WWOX: variants seen among roughly 807,000 people sequenced by gnomAD.
WWOX encodes WW domain-containing oxidoreductase.
In WWOX, 69 loss-of-function variants were observed where a neutral mutation model predicts 46.2. The ratio of observed to expected loss-of-function variants is 1.49; its 90% CI spans 1.23 to 1.82. WWOX has a LOEUF of 1.82. Ranked by LOEUF, WWOX falls within the 40% of genes most tolerant of loss-of-function variation. The pLI, the probability that WWOX is intolerant of heterozygous loss-of-function variation, is 0.00. For synonymous variants in WWOX, 359 were observed against 202.6 expected, an observed-to-expected ratio of 1.77 and a Z score of -6.56; for missense variants, 919 against 542.6, an observed-to-expected ratio of 1.69 and a Z score of -6.89.
At chr16:78,575,488 G>C (rs1002734827) in intron 8 of WWOX, among the ~76,000 whole-genome samples, 4 of 151,950 alleles carry the variant, frequency 2.6e-5, no homozygotes, top group Non-Finnish European at 5.9e-5. Context: ...TCTGCATGGA[G>C]GACAAGAAGG....
chr16:79,061,144 G>A (rs1263805540), intron 8 of WWOX, among the ~76,000 whole-genome samples: 2 of 152,158 alleles, frequency 1.3e-5, no homozygotes, highest in East Asian at 3.9e-4. Context: ...AATCCTTTAT[G>A]TTGAGGGAGA....
At chr16:79,203,320 T>C (rs1274291146) in intron 8 of WWOX, 4 of 152,200 alleles carry the variant, frequency 2.6e-5, no homozygotes, top group Admixed American at 6.5e-5. Flanking sequence ...GTGAGCTCTG[T>C]ATGGAAATCC....
chr16:79,093,925 A>T lies in WWOX; in HGVS notation c.1057-117683A>T, dbSNP rs72795691. 2.8e-4 allele frequency among the ~76,000 whole-genome samples: 43 copies of T among 152,260 alleles called. No homozygotes were observed. In the East Asian group the frequency reaches 4.7e-3, roughly 16 times the overall value. On this transcript the variant is annotated intron_variant, in intron 8 of 8. Coordinates refer to ENST00000566780, the MANE Select transcript of WWOX (RefSeq NM_016373.4). ...CTCGCTCTCTCCTTCCAAGAGAGAA[A>T]GGGGAGGAAGCCCAGAGCCTTCTAT...
intron 8 of WWOX, among the ~76,000 whole-genome samples, chr16:78,603,613 G>C (rs543591368): frequency 3.2e-4 from 48 of 152,260 alleles, no homozygotes; most frequent in Non-Finnish European, 6.6e-4. Flanking sequence ...AGAATCGCTT[G>C]AACCCAGGAG....
chr16:78,811,178 GT>G (rs2051178835), intron 8 of WWOX, among the ~76,000 whole-genome samples: 1 of 152,152 alleles, frequency 6.6e-6, no homozygotes, highest in Non-Finnish European at 1.5e-5. Context: ...AACAATCAGT[GT>G]TTTGTGACAT....
rs1466203353 is a variant in WWOX at position 78,431,525 on chromosome 16, G to A, written c.792-963G>A. Among the ~76,000 whole-genome samples the A allele has an allele frequency of 2.0e-5, 3 of 152,082 alleles. No individual in the cohort carries two copies. In the South Asian group the frequency reaches 6.2e-4, roughly 32 times the overall value. The stretch of plus-strand genomic sequence containing the variant: ...TGATATCTTTCTGTTTCCAAAAGCA[G>A]CAGCCCTTTATTCAAGACACTTTTC... On this transcript the variant is annotated intron_variant, in intron 7 of 8. Coordinates refer to ENST00000566780, the MANE Select transcript of WWOX (RefSeq NM_016373.4).
intron 8 of WWOX, among the ~76,000 whole-genome samples, chr16:78,981,239 C>G (rs1271383069): frequency 6.6e-6 from 1 of 152,116 alleles, no homozygotes; most frequent in East Asian, 1.9e-4. Context: ...CATCTCCCAA[C>G]TCTGCCCTCT....
At chr16:78,740,703 C>G (rs187750889) in intron 8 of WWOX, among the ~76,000 whole-genome samples, 1 of 152,080 alleles carries the variant, frequency 6.6e-6, no homozygotes, top group African/African-American at 2.4e-5. Context: ...GATTGAAGCG[C>G]TAGTAATTGG....
rs561730983 is a variant in WWOX at position 78,462,761 on chromosome 16, C to T, written c.1056+30009C>T. On this transcript the variant is annotated intron_variant, in intron 8 of 8. Coordinates refer to ENST00000566780, the MANE Select transcript of WWOX (RefSeq NM_016373.4). ...TAGTTACTGTCAGTTGTTGTAAACT[C>T]GTCCTGCCGCCTGGACTAGTTACGC... Among the ~76,000 whole-genome samples, 13 of 152,302 alleles carry T rather than the reference C, an allele frequency of 8.5e-5. No homozygotes were observed. The East Asian group carries it at 2.5e-3, about 29-fold the overall frequency.
chr16:79,069,084 C>T (rs2048499133), intron 8 of WWOX, among the ~76,000 whole-genome samples: 2 of 152,096 alleles, frequency 1.3e-5, no homozygotes, highest in Admixed American at 1.3e-4. Flanking sequence ...AGATGAACTA[C>T]CTGGAAAGAA....
chr16:78,621,211 G>A (rs961607493), intron 8 of WWOX, among the ~76,000 whole-genome samples: 11 of 152,146 alleles, frequency 7.2e-5, no homozygotes, highest in African/African-American at 2.7e-4. Context: ...AAAGTTAATG[G>A]CCAGAATAAG....
At chr16:79,201,315 T>C (rs1438208935) in intron 8 of WWOX, among the ~76,000 whole-genome samples, 1 of 151,554 alleles carries the variant, frequency 6.6e-6, no homozygotes, top group Admixed American at 6.6e-5. Flanking sequence ...CTTCCCTAGC[T>C]GAATAGAGAG....
chr16:78,628,537 C>G (rs918910628), intron 8 of WWOX, among the ~76,000 whole-genome samples: 1 of 152,176 alleles, frequency 6.6e-6, no homozygotes, highest in Non-Finnish European at 1.5e-5. Flanking sequence ...ACTATATTTT[C>G]TTCCTTTTTT....
intron 5 of WWOX, among the ~76,000 whole-genome samples, chr16:78,191,371 G>C (rs948676330): frequency 5.9e-5 from 9 of 152,240 alleles, no homozygotes; most frequent in African/African-American, 2.2e-4. Context: ...TTTGATCATA[G>C]GTAGGAAAGG....
chr16:78,683,491 G>C (rs1041368930), intron 8 of WWOX, among the ~76,000 whole-genome samples: 1 of 151,850 alleles, frequency 6.6e-6, no homozygotes, highest in African/African-American at 2.4e-5. Context: ...AGTGAGCCGA[G>C]GTTGTGCCAC....
chr16:79,020,714 G>C (rs951489456), intron 8 of WWOX, among the ~76,000 whole-genome samples: 2 of 152,188 alleles, frequency 1.3e-5, no homozygotes, highest in African/African-American at 4.8e-5. Context: ...ATAAAGCTCT[G>C]TACAGATGCA....
At chr16:78,709,349 G>C (rs1338080548) in intron 8 of WWOX, among the ~76,000 whole-genome samples, 1 of 152,228 alleles carries the variant, frequency 6.6e-6, no homozygotes, top group Non-Finnish European at 1.5e-5. Flanking sequence ...TGTTGGAGTT[G>C]TCTGGCTGAA....
intron 8 of WWOX, among the ~76,000 whole-genome samples, chr16:78,572,718 C>G (rs559647448): frequency 4.1e-5 from 6 of 144,636 alleles, no homozygotes; most frequent in South Asian, 4.7e-4. Flanking sequence ...TTTGATAAAA[C>G]TATAAAGAAA....
rs1407722892 is a variant in WWOX, at chr16:79,077,932, C to G, written c.1057-133676C>G. 5 of 152,284 alleles carry G rather than the reference C, an allele frequency of 3.3e-5. No individual in the cohort carries two copies. In the South Asian group the frequency reaches 8.3e-4, roughly 25 times the overall value. The allele number at this position is 152,284 out of a possible 1,614,324, so 9.4% of individuals were successfully genotyped here. A position where few individuals can be genotyped will look rare whatever the true frequency, so the allele number is the denominator to read the frequency against. Reference sequence around the variant, plus strand: ...ACGCCTGTGGGGTTGGTTTTTGGCACCCATCCCTGACCCCTTCTTCTCCAG... The same window carrying G: ...ACGCCTGTGGGGTTGGTTTTTGGCAGCCATCCCTGACCCCTTCTTCTCCAG... On this transcript the variant is annotated intron_variant, in intron 8 of 8. Coordinates refer to ENST00000566780, the MANE Select transcript of WWOX (RefSeq NM_016373.4).
Sources: gnomAD v4.1 joint callset for allele counts (sites outside exome capture counted in the v4.1 genomes callset) on GRCh38, gnomAD v4.1.1 for gene constraint, MANE v1.5 for transcripts, NCBI Gene and HGNC (gene_info 2026-07-23, HGNC 2026-07-21) for gene names.